Variants in ST18 observed in about 807,000 individuals in gnomAD.
ST18 encodes ST18 C2H2C-type zinc finger transcription factor.
In ST18, 50 loss-of-function variants were observed where a neutral mutation model predicts 110.0. That is an observed-to-expected ratio of 0.45 (90% CI 0.36 to 0.58). The LOEUF (loss-of-function observed/expected upper bound fraction) is 0.58, where lower values mean the gene tolerates loss of function less well. Ranked by LOEUF, ST18 falls within the 20% of genes least tolerant of loss-of-function variation. ST18 has a pLI of 0.00. For missense variants in ST18, 1,306 were observed against 1,280.1 expected (o/e 1.02, Z -0.31); for synonymous variants, 461 against 452.4 (o/e 1.02, Z -0.24).
At chr8:52,379,946 A>T (rs1038190124) in intron 2 of ST18, among the ~76,000 whole-genome samples, 5 of 152,300 alleles carry the variant, frequency 3.3e-5, no homozygotes, top group East Asian at 1.9e-4. Flanking sequence ...GACATTCATC[A>T]TCTCCACGTG....
At chr8:52,385,598 A>G (rs1449401217) in intron 2 of ST18, among the ~76,000 whole-genome samples, 27 of 946 alleles carry the variant, frequency 0.029, no homozygotes, top group Non-Finnish European at 0.13. Flanking sequence ...ACTCCGACTC[A>G]AAAAAAAAAA....
At chr8:52,162,220 A>C (rs2061646232) in intron 13 of ST18, among the ~76,000 whole-genome samples, 1 of 152,138 alleles carries the variant, frequency 6.6e-6, no homozygotes, top group Admixed American at 6.5e-5. Context: ...CAAAAAAAAC[A>C]AAAAAGCCAT....
intron 2 of ST18, among the ~76,000 whole-genome samples, chr8:52,358,430 A>G (rs1459220657): frequency 6.6e-6 from 1 of 151,954 alleles, no homozygotes; most frequent in East Asian, 1.9e-4. Context: ...TAAAAAGGGA[A>G]AAAAATTGAT....
chr8:52,161,059 A>G (rs2061337567), intron 14 of ST18, among the ~76,000 whole-genome samples: 2 of 152,236 alleles, frequency 1.3e-5, no homozygotes, highest in South Asian at 4.1e-4. Flanking sequence ...TCAATATAGT[A>G]ATCCAAGCTC....
At chr8:52,141,728 G>A (rs1341884083) in intron 17 of ST18, among the ~76,000 whole-genome samples, 1 of 152,164 alleles carries the variant, frequency 6.6e-6, no homozygotes, top group Non-Finnish European at 1.5e-5. Context: ...AGAGGGAACA[G>A]CAACCCTAAG....
chr8:52,252,522 TTAAACA>T (rs2094360693), intron 2 of ST18, among the ~76,000 whole-genome samples: 1 of 151,890 alleles, frequency 6.6e-6, no homozygotes, highest in Admixed American at 6.6e-5. Flanking sequence ...AAAAACTCCT[TTAAACA>T]TAATCACATT....
Position 52,112,907 on chromosome 8 carries a change from T to C in ST18, c.*291A>G, listed in dbSNP as rs1300894515. The C allele has an allele frequency of 4.5e-6, 1 of 224,512 alleles. No individual in the cohort carries two copies. The highest frequency in any genetic ancestry group is 8.8e-5 in the East Asian group (1 of 11,300). 13.9% of individuals were successfully genotyped at this position (224,512 alleles called of 1,614,324 possible). ...ATAAATAAATTATAAAAATGTCACA[T>C]TTATTTTACATATACTTTACAAAAA... On this transcript the variant is annotated 3_prime_UTR_variant, in exon 26 of 26. Transcript: ENST00000689386.
chr8:52,286,957 T>C (rs933706524), intron 2 of ST18, among the ~76,000 whole-genome samples: 31 of 152,126 alleles, frequency 2.0e-4, no homozygotes, highest in African/African-American at 7.2e-4. Flanking sequence ...GATACAGGTG[T>C]GCTCAAGTTT....
At chr8:52,179,228 A>C (rs1397771258) in intron 9 of ST18, among the ~76,000 whole-genome samples, 1 of 152,190 alleles carries the variant, frequency 6.6e-6, no homozygotes, top group Non-Finnish European at 1.5e-5. Flanking sequence ...CTTATGCACA[A>C]AGTGATCAGT....
At chr8:52,314,291 C>T (rs988081957) in intron 2 of ST18, among the ~76,000 whole-genome samples, 72 of 152,276 alleles carry the variant, frequency 4.7e-4, no homozygotes, top group East Asian at 2.5e-3. Context: ...GACTGTGTGC[C>T]GCTGGTTGGG....
At chr8:52,275,676 T>C (rs1441938247) in intron 2 of ST18, among the ~76,000 whole-genome samples, 1 of 152,146 alleles carries the variant, frequency 6.6e-6, no homozygotes. Context: ...TCATTTAATA[T>C]TTTTTAGGAG....
intron 2 of ST18, among the ~76,000 whole-genome samples, chr8:52,300,608 T>G (rs544724452): frequency 6.6e-6 from 1 of 152,318 alleles, no homozygotes; most frequent in South Asian, 2.1e-4. Flanking sequence ...TTTTACATTT[T>G]TTAATAGTTG....
chr8:52,203,399 T>C (rs893076168), intron 8 of ST18, among the ~76,000 whole-genome samples: 1 of 152,118 alleles, frequency 6.6e-6, no homozygotes, highest in African/African-American at 2.4e-5. Flanking sequence ...ACCATAGAAT[T>C]TGACAAACCA....
chr8:52,261,358 A>G (rs2094688292), intron 2 of ST18, among the ~76,000 whole-genome samples: 1 of 151,936 alleles, frequency 6.6e-6, no homozygotes, highest in Admixed American at 6.5e-5. Flanking sequence ...GTCTCCTGTC[A>G]TTCACTATTC....
chr8:52,407,620 C>T (rs1398841898), intron 2 of ST18: 1 of 152,120 alleles, frequency 6.6e-6, no homozygotes, highest in Non-Finnish European at 1.5e-5. Context: ...TCAATCCTTC[C>T]ATGTTGAGGG....
At chr8:52,381,955 T>A (rs1465269751) in intron 2 of ST18, among the ~76,000 whole-genome samples, 1 of 124,626 alleles carries the variant, frequency 8.0e-6, no homozygotes, top group African/African-American at 2.8e-5. Context: ...CTTCAAGAGC[T>A]ATATGCTGCA....
At chr8:52,157,400 T>C (rs1236413083) in intron 15 of ST18, among the ~76,000 whole-genome samples, 4 of 152,064 alleles carry the variant, frequency 2.6e-5, no homozygotes, top group Admixed American at 1.3e-4. Flanking sequence ...TCCTGTATTC[T>C]CATAGGACAG....
Position 52,112,302 on chromosome 8 carries a change from G to C in ST18, c.*896C>G, listed in dbSNP as rs778688527. The C allele has an allele frequency of 6.6e-6, 1 of 152,598 alleles. No homozygotes were observed. Among genetic ancestry groups the C allele is most frequent in the African/African-American group, 2.4e-5 (1 of 41,444 alleles). The allele number at this position is 152,598 out of a possible 1,614,324, so 9.5% of individuals were successfully genotyped here. A position where few individuals can be genotyped will look rare whatever the true frequency, so the allele number is the denominator to read the frequency against. On this transcript the variant is annotated 3_prime_UTR_variant, in exon 26 of 26. Transcript: ENST00000689386. ...TTGTATATTGTACCAACATATGGCA[G>C]GAAAGCCTGGCTGGTCACACCAAGT...
intron 9 of ST18, 108 bp downstream of exon 9, chr8:52,180,014 T>C (rs1248147441): frequency 1.7e-6 from 2 of 1,191,588 alleles, no homozygotes; most frequent in Non-Finnish European, 2.4e-6. Context: ...CAAATCTTAA[T>C]GTACTTTTAC....
Sources: allele counts gnomAD v4.1 joint callset (sites outside exome capture counted in the v4.1 genomes callset), GRCh38; gene constraint gnomAD v4.1.1; transcripts MANE v1.5; gene names NCBI Gene and HGNC (gene_info 2026-07-23, HGNC 2026-07-21).